The following WWOX variants were observed in gnomAD, a reference collection of about 807,000 sequenced individuals.
WWOX encodes WW domain containing oxidoreductase.
Under a neutral mutation model 46.2 loss-of-function variants are expected in WWOX, and 69 were observed. The ratio of observed to expected loss-of-function variants is 1.49; its 90% CI spans 1.23 to 1.82. The LOEUF is 1.82. WWOX is among the 40% of genes most tolerant of loss of function. The pLI is 0.00. For synonymous variants in WWOX, 359 were observed against 202.6 expected (o/e 1.77, Z -6.56); for missense variants, 919 against 542.6 (o/e 1.69, Z -6.89).
At chr16:78,355,224 A>C (rs1234499988) in intron 5 of WWOX, among the ~76,000 whole-genome samples, 2 of 147,182 alleles carry the variant, frequency 1.4e-5, no homozygotes, top group African/African-American at 5.1e-5. Flanking sequence ...TTTTTCTCTG[A>C]AGTCATTGCT....
chr16:78,201,581 C>T (rs1344486769), intron 5 of WWOX, among the ~76,000 whole-genome samples: 1 of 152,158 alleles, frequency 6.6e-6, no homozygotes, highest in Non-Finnish European at 1.5e-5. Flanking sequence ...CCATGCCTAC[C>T]AGGTTGTGTT....
Position 79,193,975 on chromosome 16 carries a change from G to A in WWOX, c.1057-17633G>A, listed in dbSNP as rs374296431. Among the ~76,000 whole-genome samples, 14 of 151,506 alleles carry A rather than the reference G, an allele frequency of 9.2e-5. No homozygotes were observed. In the East Asian group the frequency reaches 2.7e-3, roughly 30 times the overall value. ...TGCCACTTAGTAATTGTGTAGATTT[G>A]CACATGTTGCTGGACCTCTCTTTGT... On this transcript the variant is annotated intron_variant, in intron 8 of 8. Transcript: ENST00000566780.
At chr16:78,895,814 A>G (rs2044688837) in intron 8 of WWOX, 1 of 152,168 alleles carries the variant, frequency 6.6e-6, no homozygotes, top group African/African-American at 2.4e-5. Flanking sequence ...ATGTCAACTG[A>G]CTCACAGTAT....
chr16:78,474,984 C>T lies in WWOX; in HGVS notation c.1056+42232C>T, dbSNP rs186515509. Among the ~76,000 whole-genome samples the T allele has an allele frequency of 6.3e-3, 958 of 152,134 alleles. 5 individuals are homozygous for T. The highest frequency in any genetic ancestry group is 8.9e-3 in the Non-Finnish European group (604 of 68,016). Reference sequence around the variant, plus strand: ...AAAATATTTAATTTATTTAGGCACGCCAGGTTTATGAGATTCATCTTTGTA... The same window carrying T: ...AAAATATTTAATTTATTTAGGCACGTCAGGTTTATGAGATTCATCTTTGTA... On this transcript the variant is annotated intron_variant, in intron 8 of 8. Transcript: ENST00000566780.
intron 8 of WWOX, among the ~76,000 whole-genome samples, chr16:78,445,157 T>A (rs2151402058): frequency 6.6e-6 from 1 of 152,280 alleles, no homozygotes; most frequent in South Asian, 2.1e-4. Context: ...CATCAGGGTA[T>A]AAGCTGTCCT....
chr16:78,333,637 G>A (rs1041983976), intron 5 of WWOX, among the ~76,000 whole-genome samples: 1 of 152,088 alleles, frequency 6.6e-6, no homozygotes, highest in African/African-American at 2.4e-5. Context: ...AGATATAGGA[G>A]TACTTCATTA....
chr16:79,050,557 C>T (rs561185972), intron 8 of WWOX, among the ~76,000 whole-genome samples: 7 of 152,176 alleles, frequency 4.6e-5, no homozygotes, highest in Non-Finnish European at 1.0e-4. Flanking sequence ...ACTGCAGTCC[C>T]AAAGCCCGGG....
At chr16:78,451,046 G>T (rs909202472) in intron 8 of WWOX, among the ~76,000 whole-genome samples, 2 of 152,156 alleles carry the variant, frequency 1.3e-5, no homozygotes, top group African/African-American at 4.8e-5. Flanking sequence ...ACTGTGGTTT[G>T]CTTTCCCGTT....
chr16:79,085,376 C>A (rs899110475), intron 8 of WWOX, among the ~76,000 whole-genome samples: 1 of 152,142 alleles, frequency 6.6e-6, no homozygotes, highest in Non-Finnish European at 1.5e-5. Context: ...TGATGCTTTT[C>A]ACTCTTCTGG....
chr16:78,409,572 A>C (rs376399032), intron 6 of WWOX, among the ~76,000 whole-genome samples: 1 of 152,214 alleles, frequency 6.6e-6, no homozygotes, highest in African/African-American at 2.4e-5. Flanking sequence ...AACAGCAAAC[A>C]TACACTATCT....
At chr16:78,996,117 A>G in intron 8 of WWOX, 2 of 834,990 alleles carry the variant, frequency 2.4e-6, no homozygotes, top group Non-Finnish European at 1.4e-6. Flanking sequence ...CCTTCCATGA[A>G]AGTCAGCTCA....
chr16:79,178,476 T>C (rs4888935), intron 8 of WWOX, among the ~76,000 whole-genome samples: 89,012 of 151,576 alleles, frequency 0.59, 27,656 homozygotes, highest in East Asian at 0.89. Flanking sequence ...CCACCATGCC[T>C]GGCTAATTTT....
chr16:78,114,395 C>T (rs1187972948), intron 3 of WWOX, among the ~76,000 whole-genome samples: 3 of 152,170 alleles, frequency 2.0e-5, no homozygotes, highest in Non-Finnish European at 4.4e-5. Context: ...CCACTGTGCC[C>T]AGCCTCCAGT....
chr16:79,124,370 T>C (rs566844140), intron 8 of WWOX, among the ~76,000 whole-genome samples: 2 of 152,236 alleles, frequency 1.3e-5, no homozygotes, highest in Non-Finnish European at 2.9e-5. Flanking sequence ...CACTGGTTTA[T>C]TGGAAACCAT....
At chr16:78,362,748 C>G (rs1011169768) in intron 5 of WWOX, among the ~76,000 whole-genome samples, 7 of 152,178 alleles carry the variant, frequency 4.6e-5, no homozygotes, top group Admixed American at 3.9e-4. Context: ...AGACACAGTT[C>G]ATGAAGAACT....
chr16:78,910,323 C>G (rs1018329847), intron 8 of WWOX, among the ~76,000 whole-genome samples: 1 of 150,678 alleles, frequency 6.6e-6, no homozygotes, highest in Non-Finnish European at 1.5e-5. Flanking sequence ...CTTCCAGCAT[C>G]TCTGATTGAG....
intron 8 of WWOX, among the ~76,000 whole-genome samples, chr16:78,928,817 T>C (rs2045558686): frequency 6.6e-6 from 1 of 152,186 alleles, no homozygotes; most frequent in South Asian, 2.1e-4. Flanking sequence ...GATAAAAAGA[T>C]ATGAACTTGA....
At chr16:78,351,814 G>T (rs1008771779) in intron 5 of WWOX, among the ~76,000 whole-genome samples, 1 of 152,058 alleles carries the variant, frequency 6.6e-6, no homozygotes, top group African/African-American at 2.4e-5. Flanking sequence ...GTATCACCAG[G>T]CCCAGCTAAT....
chr16:78,368,579 C>A (rs947435180), intron 5 of WWOX, among the ~76,000 whole-genome samples: 1 of 152,210 alleles, frequency 6.6e-6, no homozygotes. Context: ...AGCTGCTGTT[C>A]ATAAATATTG....
Sources: allele counts gnomAD v4.1 joint callset (sites outside exome capture counted in the v4.1 genomes callset), GRCh38; gene constraint gnomAD v4.1.1; transcripts MANE v1.5; gene names NCBI Gene and HGNC (gene_info 2026-07-23, HGNC 2026-07-21).